The following SYNE2 variants were observed in gnomAD, a reference collection of about 807,000 sequenced individuals.
SYNE2 encodes the protein spectrin repeat containing nuclear envelope protein 2, also known as nesprin-2.
SYNE2 carries 431 observed loss-of-function variants against 856.3 expected under a neutral mutation model. The ratio of observed to expected loss-of-function variants is 0.50; its 90% CI spans 0.47 to 0.55. The LOEUF (loss-of-function observed/expected upper bound fraction) is 0.55, where lower values mean the gene tolerates loss of function less well. SYNE2 is among the 20% of genes least tolerant of loss of function. The pLI is 0.00. For synonymous variants in SYNE2, 2,923 were observed against 2,872.3 expected, an observed-to-expected ratio of 1.02 and a Z score of -0.56; for missense variants, 8,129 against 8,023.2, an observed-to-expected ratio of 1.01 and a Z score of -0.50.
chr14:64,122,071 T>A lies in SYNE2; in HGVS notation c.13218T>A (p.Ala4406=). 6.2e-7 allele frequency: 1 copy of A among 1,614,034 alleles called. No individual in the cohort carries two copies. Among genetic ancestry groups the A allele is most frequent in the Non-Finnish European group, 8.5e-7 (1 of 1,179,990 alleles). Residue 4406 remains alanine (A), a synonymous_variant, in exon 69 of 116, where the codon GCT becomes GCA. Coordinates refer to ENST00000555002, the MANE Select transcript of SYNE2 (RefSeq NM_182914.3). ...TCATCAAATTCATAGAATTTAATGC[T>A]AAGAAAATGTGGCCCCAGTATTGCC... The part of the protein sequence containing the change: ...KDFIKFIEFN[A]KKMWPQYCQH...
intron 60 of SYNE2, among the ~76,000 whole-genome samples, chr14:64,091,553 A>G (rs1230641852): frequency 6.6e-6 from 1 of 152,186 alleles, no homozygotes; most frequent in African/African-American, 2.4e-5. Context: ...TTATGTACAC[A>G]TGGAACAAGA....
At chr14:64,214,984 C>T (rs2098658996) in intron 106 of SYNE2, among the ~76,000 whole-genome samples, 2 of 152,214 alleles carry the variant, frequency 1.3e-5, no homozygotes, top group South Asian at 2.1e-4. Context: ...AAGAAGTCCT[C>T]CCGCCTCAGC....
chr14:64,186,327 C>G, intron 96 of SYNE2, 97 bp from the exon 97 acceptor site: 5 of 1,525,220 alleles, frequency 3.3e-6, no homozygotes, highest in Non-Finnish European at 4.5e-6. Flanking sequence ...CTGGCCTCCC[C>G]TCCCCCAGAG....
Position 64,157,658 on chromosome 14 carries a change from C to T in SYNE2, c.15793-967C>T, listed in dbSNP as rs535115375. On this transcript the variant is annotated intron_variant, in intron 85 of 115. Transcript: ENST00000555002. Reference sequence around the variant, plus strand: ...TTTAATTTTTTGAGGAACTATCTAGCTGTTTTCCACAGTGACTGTACCATT... The same window carrying T: ...TTTAATTTTTTGAGGAACTATCTAGTTGTTTTCCACAGTGACTGTACCATT... Among the ~76,000 whole-genome samples the T allele has an allele frequency of 2.0e-5, 3 of 152,310 alleles. No individual in the cohort carries two copies. The South Asian group carries it at 6.2e-4, about 32-fold the overall frequency.
chr14:64,088,761 G>A (rs778754904), intron 58 of SYNE2, among the ~76,000 whole-genome samples: 1 of 152,040 alleles, frequency 6.6e-6, no homozygotes, highest in Non-Finnish European at 1.5e-5. Context: ...GAGTCACATA[G>A]TAGAGGCAAT....
chr14:63,849,265 C>CTTTTTTTTTTT (rs35001530), upstream of SYNE2, among the ~76,000 whole-genome samples: 1 of 127,146 alleles, frequency 7.9e-6, no homozygotes. Context: ...AGTTAATCTC[C>CTTTTTTTTTTT]TTTTTTTTTT....
At chr14:64,042,029 CAAG>C (rs1567135018) in intron 45 of SYNE2, among the ~76,000 whole-genome samples, 1 of 152,038 alleles carries the variant, frequency 6.6e-6, no homozygotes, top group Non-Finnish European at 1.5e-5. Flanking sequence ...CACACATGCA[CAAG>C]AAGAATCATA....
intron 1 of SYNE2, among the ~76,000 whole-genome samples, chr14:63,845,957 TG>T (rs1890213920): frequency 6.6e-6 from 1 of 151,954 alleles, no homozygotes; most frequent in African/African-American, 2.4e-5. Flanking sequence ...TTGGCCAGGC[TG>T]GTCTCAAACT....
chr14:64,055,855 T>A, intron 48 of SYNE2, 89 bp from the exon 49 acceptor site: 1 of 861,926 alleles, frequency 1.2e-6, no homozygotes, highest in Non-Finnish European at 1.9e-6. Context: ...CTCAGAGACA[T>A]ATTATCTATG....
rs779101206 is a variant in SYNE2 at position 64,026,656 on chromosome 14, G to A, written c.6330G>A (p.Pro2110=). Reference sequence around the variant, plus strand: ...AGCAGGCTGAGAGCAGCGAGGCCCCGCTGGTTCAGAAGACCCTCACTGACA... The same window carrying A: ...AGCAGGCTGAGAGCAGCGAGGCCCCACTGGTTCAGAAGACCCTCACTGACA... ...IMKQAESSEA[P]LVQKTLTDIS... is the part of the protein sequence containing the mutation. Residue 2110 remains proline, a synonymous_variant, in exon 42 of 116, where the codon CCG becomes CCA. Transcript: ENST00000555002. 45 of 1,613,002 alleles carry A rather than the reference G, an allele frequency of 2.8e-5. No homozygotes were observed. Among genetic ancestry groups the A allele is most frequent in the East Asian group, 2.2e-4 (10 of 44,856 alleles).
intron 11 of SYNE2, among the ~76,000 whole-genome samples, chr14:63,970,076 G>A (rs1321585400): frequency 6.6e-6 from 1 of 152,094 alleles, no homozygotes. Flanking sequence ...TATGCTGACT[G>A]TATAGTACAT....
In SYNE2 at chr14:64,119,561, T is replaced by C. The variant is rs756037025; in HGVS notation, c.12975T>C (p.Asn4325=). ...LSLKLKTVKC[N]LEKVQMMLQE... ...TGAAACTGAAAACAGTGAAGTGCAATTTAGAAAAAGTCCAGATGATGCTTC... is the reference window on the plus strand; with the variant it reads ...TGAAACTGAAAACAGTGAAGTGCAACTTAGAAAAAGTCCAGATGATGCTTC... The change falls in exon 67 of 116, where the codon AAT becomes AAC. Residue 4325 remains asparagine, a synonymous_variant. Transcript: ENST00000555002. The C allele has an allele frequency of 6.2e-7, 1 of 1,614,174 alleles. No homozygotes were observed. The highest frequency in any genetic ancestry group is 1.1e-5 in the South Asian group (1 of 91,086).
In SYNE2 at chr14:63,948,800, A is replaced by ATGTATGTGTGTGTG. The variant is rs74216992; in HGVS notation, c.409-1024_409-1023insGTATGTGTGTGTGT. On this transcript the variant is annotated intron_variant, in intron 6 of 115. Transcript: ENST00000555002. ...TGTGTGTGTATATATATATATATAT[A>ATGTATGTGTGTGTG]TATATATATATATATATATATATGT... 3.0e-5 allele frequency among the ~76,000 whole-genome samples: 3 copies of ATGTATGTGTGTGTG among 100,900 alleles called. 1 individual carries two copies. Among genetic ancestry groups the ATGTATGTGTGTGTG allele is most frequent in the African/African-American group, 1.1e-4 (3 of 26,094 alleles). 66.2% of individuals were successfully genotyped at this position (100,900 alleles called of 152,430 possible).
intron 96 of SYNE2, among the ~76,000 whole-genome samples, chr14:64,179,492 C>T (rs1341701023): frequency 2.0e-5 from 3 of 152,282 alleles, no homozygotes; most frequent in South Asian, 2.1e-4. Flanking sequence ...GATGTTGGCA[C>T]CTAATGCACA....
chr14:63,823,182 CTT>C (rs775294170), intron 1 of SYNE2, among the ~76,000 whole-genome samples: 8 of 144,316 alleles, frequency 5.5e-5, no homozygotes, highest in Non-Finnish European at 9.2e-5. Flanking sequence ...TCTACCAAAT[CTT>C]TTTTTTTTTT....
intron 2 of SYNE2, among the ~76,000 whole-genome samples, chr14:63,938,054 G>C (rs539107353): frequency 6.6e-6 from 1 of 152,140 alleles, no homozygotes; most frequent in African/African-American, 2.4e-5. Flanking sequence ...GTATGACCAC[G>C]ACAGCAAGGT....
chr14:64,216,013 C>T, intron 107 of SYNE2: 1 of 1,447,078 alleles, frequency 6.9e-7, no homozygotes, highest in South Asian at 1.4e-5. Flanking sequence ...CGCCACTCAT[C>T]CCACAGCAAA....
chr14:64,053,747 A>G, intron 48 of SYNE2, 90 bp downstream of exon 48: 1 of 1,321,288 alleles, frequency 7.6e-7, no homozygotes, highest in Non-Finnish European at 1.0e-6. Context: ...CTGGCGGATC[A>G]CTTGAGGCCA....
intron 104 of SYNE2, among the ~76,000 whole-genome samples, 163 bp downstream of exon 104, chr14:64,212,261 G>A (rs1172442575): frequency 3.3e-5 from 5 of 152,206 alleles, no homozygotes; most frequent in Admixed American, 2.6e-4. Context: ...CACGTGCAAG[G>A]ATACTGTTCT....
Sources: allele counts gnomAD v4.1 joint callset (sites outside exome capture counted in the v4.1 genomes callset), GRCh38; gene constraint gnomAD v4.1.1; transcripts MANE v1.5; gene names NCBI Gene and HGNC (gene_info 2026-07-23, HGNC 2026-07-21).